CATSPERE: variants seen among roughly 807,000 people sequenced by gnomAD.
CATSPERE encodes the protein cation channel sperm-associated auxiliary subunit epsilon.
A neutral mutation model predicts 114.1 loss-of-function variants in CATSPERE; 93 were observed. That is an observed-to-expected ratio of 0.81 (90% confidence interval 0.69 to 0.97). The LOEUF is 0.97. Ranked by LOEUF, CATSPERE falls within the 50% of genes least tolerant of loss-of-function variation. The pLI is 0.00. For missense variants in CATSPERE, 1,058 were observed against 1,131.6 expected (o/e 0.93, Z 0.93); for synonymous variants, 341 against 384.1 (o/e 0.89, Z 1.31).
At chr1:244,495,723 A>T (rs572836517) in intron 6 of CATSPERE, among the ~76,000 whole-genome samples, 5 of 152,186 alleles carry the variant, frequency 3.3e-5, no homozygotes, top group East Asian at 3.9e-4. Context: ...CCATCTTAAA[A>T]AATAATAATA....
chr1:244,613,346 A>G (rs1005594962), intron 19 of CATSPERE, among the ~76,000 whole-genome samples: 2 of 152,228 alleles, frequency 1.3e-5, no homozygotes, highest in African/African-American at 4.8e-5. Context: ...ATTGTTTTAT[A>G]AAAGTGCTAC....
intron 20 of CATSPERE, among the ~76,000 whole-genome samples, chr1:244,618,791 A>G (rs1028045302): frequency 2.6e-5 from 4 of 152,192 alleles, no homozygotes; most frequent in Non-Finnish European, 5.9e-5. Context: ...CAAAAAAATA[A>G]AAATAAAAGT....
intron 6 of CATSPERE, among the ~76,000 whole-genome samples, chr1:244,492,116 C>T (rs1288674524): frequency 6.6e-6 from 1 of 152,006 alleles, no homozygotes. Flanking sequence ...CATCCTGATA[C>T]CAAAGCCTGG....
chr1:244,584,721 A>C (rs1666772825), intron 13 of CATSPERE, among the ~76,000 whole-genome samples: 1 of 152,150 alleles, frequency 6.6e-6, no homozygotes, highest in African/African-American at 2.4e-5. Context: ...GCGAAATAGG[A>C]CCTGGCCCCT....
chr1:244,553,622 C>CACACACACATATATACAT (rs1553356175), intron 9 of CATSPERE, among the ~76,000 whole-genome samples: 31 of 141,350 alleles, frequency 2.2e-4, no homozygotes, highest in Middle Eastern at 3.5e-3. Flanking sequence ...CACACACACA[C>CACACACACATATATACAT]ACACACACAC....
chr1:244,612,921 A>G (rs1007074373), intron 19 of CATSPERE, among the ~76,000 whole-genome samples: 2 of 152,228 alleles, frequency 1.3e-5, no homozygotes, highest in African/African-American at 2.4e-5. Flanking sequence ...GAGAGGGGGA[A>G]GTTTTAATAA....
chr1:244,493,264 G>A (rs1672536552), intron 6 of CATSPERE, among the ~76,000 whole-genome samples: 1 of 152,088 alleles, frequency 6.6e-6, no homozygotes, highest in Non-Finnish European at 1.5e-5. Context: ...ATAGATCAAT[G>A]GAACAGAACA....
At chr1:244,601,524 T>C (rs1669216773) in intron 17 of CATSPERE, among the ~76,000 whole-genome samples, 1 of 152,130 alleles carries the variant, frequency 6.6e-6, no homozygotes, top group Non-Finnish European at 1.5e-5. Context: ...ACAGATTACC[T>C]ACAATGGAAT....
intron 6 of CATSPERE, among the ~76,000 whole-genome samples, chr1:244,491,695 A>T (rs1367433207): frequency 6.6e-6 from 1 of 152,208 alleles, no homozygotes; most frequent in Non-Finnish European, 1.5e-5. Context: ...ATAGACCGCT[A>T]GCAAGACTAA....
chr1:244,604,577 AAGG>A (rs1669723723), intron 17 of CATSPERE, among the ~76,000 whole-genome samples: 2 of 152,162 alleles, frequency 1.3e-5, no homozygotes, highest in African/African-American at 2.4e-5. Flanking sequence ...GCTCTACCAG[AAGG>A]AGAAGGTGGG....
At chr1:244,467,653 C>T (rs1057071067) in intron 2 of CATSPERE, among the ~76,000 whole-genome samples, 1 of 152,292 alleles carries the variant, frequency 6.6e-6, no homozygotes, top group South Asian at 2.1e-4. Context: ...GGAACGGTTA[C>T]GACAGCATTA....
At chr1:244,494,179 A>G (rs1672703315) in intron 6 of CATSPERE, among the ~76,000 whole-genome samples, 4 of 152,100 alleles carry the variant, frequency 2.6e-5, no homozygotes, top group Non-Finnish European at 4.4e-5. Flanking sequence ...ACTATTCACA[A>G]TAGCAAAGAC....
intron 21 of CATSPERE, among the ~76,000 whole-genome samples, chr1:244,638,752 C>A (rs959466803): frequency 4.6e-5 from 7 of 152,100 alleles, no homozygotes; most frequent in African/African-American, 1.7e-4. Flanking sequence ...GGAAGATAAC[C>A]TTTATTCCTT....
At chr1:244,500,560 T>G (rs969962930) in intron 7 of CATSPERE, among the ~76,000 whole-genome samples, 13 of 152,192 alleles carry the variant, frequency 8.5e-5, no homozygotes, top group African/African-American at 3.1e-4. Context: ...GTTTTCTGAA[T>G]AAGGTTAGCC....
At chr1:244,491,272 G>A (rs1018219660) in intron 6 of CATSPERE, among the ~76,000 whole-genome samples, 1 of 152,134 alleles carries the variant, frequency 6.6e-6, no homozygotes, top group Non-Finnish European at 1.5e-5. Context: ...AATCAAACTA[G>A]AACTCAGGAC....
chr1:244,468,585 A>G lies in CATSPERE; in HGVS notation c.114+4629A>G, dbSNP rs1667982296. Among the ~76,000 whole-genome samples the G allele has an allele frequency of 1.3e-5, 2 of 152,174 alleles. 1 individual carries two copies. Among genetic ancestry groups the G allele is most frequent in the Non-Finnish European group, 2.9e-5 (2 of 68,036 alleles). On this transcript the variant is annotated intron_variant, in intron 2 of 21. Coordinates refer to ENST00000366534, the MANE Select transcript of CATSPERE (RefSeq NM_001130957.2). Reference sequence around the variant, plus strand: ...ATAAAGGGCAAGAGAGTAATATTACAAAACCAATGATATTGCAGCTGATTT... The same window carrying G: ...ATAAAGGGCAAGAGAGTAATATTACGAAACCAATGATATTGCAGCTGATTT...
At chr1:244,556,872 CT>C (rs1661660797) in intron 9 of CATSPERE, among the ~76,000 whole-genome samples, 1 of 151,866 alleles carries the variant, frequency 6.6e-6, no homozygotes, top group Non-Finnish European at 1.5e-5. Flanking sequence ...TAACAACAAG[CT>C]ATACAAAAGA....
At chr1:244,526,795 C>G (rs1678700052) in intron 8 of CATSPERE, among the ~76,000 whole-genome samples, 3 of 152,024 alleles carry the variant, frequency 2.0e-5, no homozygotes, top group African/African-American at 2.4e-5. Flanking sequence ...TCTATTTTCC[C>G]TAAGTGTCAG....
chr1:244,599,288 A>G (rs1451913545), intron 17 of CATSPERE, among the ~76,000 whole-genome samples: 1 of 152,148 alleles, frequency 6.6e-6, no homozygotes, highest in Non-Finnish European at 1.5e-5. Flanking sequence ...GATATATCAA[A>G]CGTAACCTGT....
Sources: allele counts gnomAD v4.1 joint callset (sites outside exome capture counted in the v4.1 genomes callset), GRCh38; gene constraint gnomAD v4.1.1; transcripts MANE v1.5; gene names NCBI Gene and HGNC (gene_info 2026-07-23, HGNC 2026-07-21).